Variants in MYO5C observed in about 807,000 individuals in gnomAD.
The protein encoded by MYO5C is myosin VC.
MYO5C carries 194 observed loss-of-function variants against 235.7 expected under a neutral mutation model. The ratio of observed to expected loss-of-function variants is 0.82; its 90% CI spans 0.73 to 0.93. MYO5C has a LOEUF of 0.93. MYO5C is among the 40% of genes least tolerant of loss of function. The pLI is 0.00. For synonymous variants in MYO5C, 707 were observed against 754.8 expected (o/e 0.94, Z 1.04); for missense variants, 2,038 against 2,127.2 (o/e 0.96, Z 0.82).
chr15:52,255,941 T>C (rs1417385034), intron 11 of MYO5C, among the ~76,000 whole-genome samples: 2 of 152,148 alleles, frequency 1.3e-5, no homozygotes, highest in Non-Finnish European at 2.9e-5. Flanking sequence ...CATTTGATCT[T>C]ATTGTTAGTT....
chr15:52,201,700 T>C (rs2035190693), intron 38 of MYO5C, among the ~76,000 whole-genome samples: 1 of 152,062 alleles, frequency 6.6e-6, no homozygotes, highest in South Asian at 2.1e-4. Context: ...AAAACTAAAA[T>C]TATAATATTG....
At chr15:52,287,696 G>A (rs2037304095) in intron 1 of MYO5C, among the ~76,000 whole-genome samples, 1 of 152,156 alleles carries the variant, frequency 6.6e-6, no homozygotes, top group African/African-American at 2.4e-5. Flanking sequence ...GGAAGTTCTG[G>A]CCAGGCGCGG....
In MYO5C at chr15:52,215,703, C is replaced by A. The variant is rs193132105; in HGVS notation, c.3955-1013G>T. On this transcript the variant is annotated intron_variant, in intron 32 of 40. Transcript: ENST00000261839. ...CATCAACCCATAACCCAGAAAAAAA[C>A]CACTCTTCACATTTTGATTTCATTC... Among the ~76,000 whole-genome samples the A allele has an allele frequency of 6.2e-4, 94 of 152,266 alleles. No individual in the cohort carries two copies. The East Asian group carries it at 0.018, about 29-fold the overall frequency.
At chr15:52,214,574 A>G (rs377235114) in intron 33 of MYO5C, 29 bp downstream of exon 33, 4 of 1,500,544 alleles carry the variant, frequency 2.7e-6, no homozygotes, top group Non-Finnish European at 3.6e-6. Context: ...TTAGCTCAAA[A>G]GAATAAGAAA....
intron 1 of MYO5C, among the ~76,000 whole-genome samples, chr15:52,291,290 A>T (rs573222209): frequency 6.6e-6 from 1 of 152,274 alleles, no homozygotes; most frequent in Admixed American, 6.5e-5. Flanking sequence ...GTCTGGAATG[A>T]TGCTGTCAGA....
chr15:52,294,533 A>G (rs769272612), intron 1 of MYO5C, among the ~76,000 whole-genome samples: 4 of 152,228 alleles, frequency 2.6e-5, no homozygotes, highest in Admixed American at 1.3e-4. Context: ...TTAAATAACT[A>G]TCTTTTCTAT....
intron 32 of MYO5C, among the ~76,000 whole-genome samples, chr15:52,215,284 C>G (rs992934657): frequency 1.3e-5 from 2 of 152,172 alleles, no homozygotes; most frequent in African/African-American, 4.8e-5. Context: ...CCTGGTTTTG[C>G]CTTTCTTTCC....
chr15:52,277,128 G>A (rs940366086), intron 4 of MYO5C: 1 of 518,206 alleles, frequency 1.9e-6, no homozygotes, highest in African/African-American at 2.0e-5. Context: ...GACATGCTCA[G>A]TGTCCCTCAG....
chr15:52,254,476 C>T (rs1163685109), intron 11 of MYO5C, among the ~76,000 whole-genome samples: 2 of 152,196 alleles, frequency 1.3e-5, no homozygotes, highest in Non-Finnish European at 2.9e-5. Context: ...CACTTCTACA[C>T]TTGCTACTGC....
At chr15:52,216,781 G>C (rs950154651) in intron 32 of MYO5C, among the ~76,000 whole-genome samples, 8 of 152,200 alleles carry the variant, frequency 5.3e-5, no homozygotes, top group Non-Finnish European at 1.2e-4. Context: ...GGTAAGCTAA[G>C]GGTCAGTATG....
chr15:52,278,054 T>C (rs2037089924), intron 4 of MYO5C: 1 of 434,684 alleles, frequency 2.3e-6, no homozygotes, highest in Admixed American at 2.4e-5. Flanking sequence ...ATGAAGTCAG[T>C]CAACTTCACA....
intron 5 of MYO5C, among the ~76,000 whole-genome samples, chr15:52,273,386 G>A (rs1229160528): frequency 6.6e-6 from 1 of 152,172 alleles, no homozygotes; most frequent in Non-Finnish European, 1.5e-5. Flanking sequence ...TCTGTAATAT[G>A]AGAATCATAA....
At chr15:52,295,517 G>C in intron 1 of MYO5C, 93 bp downstream of exon 1, 1 of 1,402,462 alleles carries the variant, frequency 7.1e-7, no homozygotes, top group East Asian at 3.1e-5. Context: ...AGGTGCGCAG[G>C]TGTGGCAGGT....
chr15:52,265,530 C>A (rs1163561295), intron 8 of MYO5C, among the ~76,000 whole-genome samples: 2 of 147,824 alleles, frequency 1.4e-5, no homozygotes, highest in Non-Finnish European at 3.0e-5. Context: ...AATTTCAAAA[C>A]CTACAGTTTT....
At chr15:52,222,651 G>A (rs1410887873) in intron 29 of MYO5C, among the ~76,000 whole-genome samples, 6 of 152,124 alleles carry the variant, frequency 3.9e-5, no homozygotes, top group African/African-American at 1.2e-4. Flanking sequence ...AATGGGAGGT[G>A]TGCGGAGGAA....
intron 25 of MYO5C, among the ~76,000 whole-genome samples, chr15:52,227,952 TTAA>T (rs2035865047): frequency 6.6e-6 from 1 of 152,220 alleles, no homozygotes; most frequent in African/African-American, 2.4e-5. Flanking sequence ...GCTTTCCAAC[TTAA>T]TGATGAAATG....
At chr15:52,205,743 A>T in intron 37 of MYO5C, 73 bp downstream of exon 37, 1 of 934,814 alleles carries the variant, frequency 1.1e-6, no homozygotes, top group Non-Finnish European at 1.6e-6. Context: ...CACACATTAC[A>T]CATACCAAGT....
At position 52,249,859 on chromosome 15, in the gene MYO5C, C is replaced by T. The variant is rs554181305; in HGVS notation, c.1663-1076G>A. Among the ~76,000 whole-genome samples, 3 of 152,308 alleles carry T rather than the reference C, an allele frequency of 2.0e-5. No homozygotes were observed. In the East Asian group the frequency reaches 5.8e-4, roughly 29 times the overall value. On this transcript the variant is annotated intron_variant, in intron 13 of 40. Coordinates refer to ENST00000261839, the MANE Select transcript of MYO5C (RefSeq NM_018728.4). Reference sequence around the variant, plus strand: ...AAGCTCAGCTGACTTGCATTCAATACGACCTGATTTCCCTGGCCAATGAGA... The same window carrying T: ...AAGCTCAGCTGACTTGCATTCAATATGACCTGATTTCCCTGGCCAATGAGA...
intron 1 of MYO5C, among the ~76,000 whole-genome samples, 158 bp from the exon 2 acceptor site, chr15:52,283,050 C>T (rs984502674): frequency 2.6e-5 from 4 of 152,172 alleles, no homozygotes; most frequent in African/African-American, 9.7e-5. Flanking sequence ...TTTCGTGCAT[C>T]TGTGATGCAC....
Sources: gnomAD v4.1 joint callset for allele counts (sites outside exome capture counted in the v4.1 genomes callset) on GRCh38, gnomAD v4.1.1 for gene constraint, MANE v1.5 for transcripts, NCBI Gene and HGNC (gene_info 2026-07-23, HGNC 2026-07-21) for gene names.